The following LRRIQ1 variants were observed in gnomAD, a reference collection of about 807,000 sequenced individuals.
LRRIQ1 encodes the protein leucine-rich repeat- and IQ domain-containing protein 1.
In LRRIQ1, 210 loss-of-function variants were observed where a neutral mutation model predicts 211.9. That is an observed-to-expected ratio of 0.99 (90% CI 0.89 to 1.11). The LOEUF is 1.11. Among genes scored for constraint, LRRIQ1 ranks in the 50% most tolerant of loss-of-function variants. The pLI, the probability that LRRIQ1 is intolerant of heterozygous loss-of-function variation, is 0.00. For synonymous variants in LRRIQ1, 699 were observed against 650.1 expected (o/e 1.08, Z -1.14); for missense variants, 2,136 against 1,939.5 (o/e 1.10, Z -1.90).
At position 85,040,603 on chromosome 12, in the gene LRRIQ1, T is replaced by G; in HGVS notation, c.244+2T>G. On this transcript the variant is annotated splice_donor_variant, in intron 3 of 26. Coordinates refer to ENST00000393217, the MANE Select transcript of LRRIQ1 (RefSeq NM_001079910.2). LOFTEE classifies it high-confidence loss of function. Reference sequence around the variant, plus strand: ...ACCTGGAAGATACTGATATTTTAAGTAAGTACTATTTTCATCTGTCTGGCA... The same window carrying G: ...ACCTGGAAGATACTGATATTTTAAGGAAGTACTATTTTCATCTGTCTGGCA... 6.5e-7 allele frequency: 1 copy of G among 1,528,370 alleles called. No individual in the cohort carries two copies. Among genetic ancestry groups the G allele is most frequent in the Non-Finnish European group, 9.0e-7 (1 of 1,109,058 alleles). 94.7% of individuals were successfully genotyped at this position (1,528,370 alleles called of 1,614,324 possible).
At chr12:85,086,001 A>G (rs1423558081) in intron 11 of LRRIQ1, among the ~76,000 whole-genome samples, 9 of 152,124 alleles carry the variant, frequency 5.9e-5, no homozygotes, top group Admixed American at 5.9e-4. Flanking sequence ...TTCTTTGAGA[A>G]TTCTCTAAAC....
intron 24 of LRRIQ1, among the ~76,000 whole-genome samples, chr12:85,192,410 A>T (rs952247195): frequency 1.0e-4 from 14 of 135,828 alleles, no homozygotes; most frequent in Non-Finnish European, 2.2e-4. Flanking sequence ...ATATTTATAT[A>T]ATTATATACA....
At chr12:85,042,737 C>A (rs1344929566) in intron 3 of LRRIQ1, among the ~76,000 whole-genome samples, 2 of 151,530 alleles carry the variant, frequency 1.3e-5, no homozygotes, top group African/African-American at 4.8e-5. Flanking sequence ...AAAAACAAAT[C>A]AATAATATGG....
chr12:85,180,362 CTAAA>C (rs1891916322), intron 24 of LRRIQ1, among the ~76,000 whole-genome samples: 1 of 151,818 alleles, frequency 6.6e-6, no homozygotes, highest in Non-Finnish European at 1.5e-5. Context: ...TCTCAAAAAA[CTAAA>C]TAATATTTTC....
chr12:85,113,904 GTT>G (rs1491474023), intron 15 of LRRIQ1, among the ~76,000 whole-genome samples: 6 of 91,906 alleles, frequency 6.5e-5, no homozygotes, highest in East Asian at 5.1e-4. Flanking sequence ...ATTCAAATGA[GTT>G]TTGTGTGTGT....
At chr12:85,212,311 C>CAAGAA (rs916858426) in intron 24 of LRRIQ1, among the ~76,000 whole-genome samples, 5 of 151,076 alleles carry the variant, frequency 3.3e-5, no homozygotes, top group Admixed American at 1.3e-4. Flanking sequence ...AAAAACACCA[C>CAAGAA]AAGAAAAGAA....
At chr12:85,042,919 TA>T (rs1183030873) in intron 3 of LRRIQ1, among the ~76,000 whole-genome samples, 1 of 152,114 alleles carries the variant, frequency 6.6e-6, no homozygotes, top group Non-Finnish European at 1.5e-5. Flanking sequence ...TAGTTGCACT[TA>T]TGAATATAGA....
intron 24 of LRRIQ1, among the ~76,000 whole-genome samples, chr12:85,206,707 G>T (rs771043592): frequency 6.6e-6 from 1 of 151,962 alleles, no homozygotes; most frequent in South Asian, 2.1e-4. Context: ...CGACAATCAG[G>T]TGCACTCTGC....
chr12:85,073,073 C>T lies in LRRIQ1; in HGVS notation c.2862C>T (p.Phe954=). 1 of 1,605,738 alleles carries T rather than the reference C, an allele frequency of 6.2e-7. No individual in the cohort carries two copies. Among genetic ancestry groups the T allele is most frequent in the Non-Finnish European group, 8.5e-7 (1 of 1,174,714 alleles). ...TTACAAAAAATTCAGATTGTAATTT[C>T]CTTATCTCCCACTTATACTGGAATT... ...TSLTKNSDCN[F]LISHLYWNCG... Residue 954 remains phenylalanine (F), a synonymous_variant, in exon 11 of 27, where the codon TTC becomes TTT. Transcript: ENST00000393217.
intron 8 of LRRIQ1, among the ~76,000 whole-genome samples, chr12:85,059,083 C>T (rs913223420): frequency 2.0e-5 from 3 of 151,926 alleles, no homozygotes; most frequent in Non-Finnish European, 2.9e-5. Context: ...TGTCTTTATT[C>T]ACCACTGTTA....
chr12:85,081,989 C>A (rs1372946521), intron 11 of LRRIQ1, among the ~76,000 whole-genome samples: 2 of 152,036 alleles, frequency 1.3e-5, no homozygotes, highest in Non-Finnish European at 1.5e-5. Context: ...TCCCAAAGTG[C>A]TCAGATTACA....
At chr12:85,146,092 T>C (rs2136623273) in intron 19 of LRRIQ1, among the ~76,000 whole-genome samples, 1 of 151,808 alleles carries the variant, frequency 6.6e-6, no homozygotes, top group African/African-American at 2.4e-5. Flanking sequence ...TTTAAATTGA[T>C]CTTCCCAATA....
rs747614996 is a variant in LRRIQ1 at position 85,066,947 on chromosome 12, AT to A, written c.2695+51del. ...TTTAAAGATATATTTCTCATAATTT[AT>A]TGTGTTTTATTTATTCCTTTTTAGG... is the stretch of plus-strand genomic sequence containing the variant. On this transcript the variant is annotated intron_variant, in intron 10 of 26. Transcript: ENST00000393217. 361 of 1,072,170 alleles carry A rather than the reference AT, an allele frequency of 3.4e-4. 1 individual carries two copies. The highest frequency in any genetic ancestry group is 4.2e-4 in the Non-Finnish European group (329 of 787,172). The allele number at this position is 1,072,170 out of a possible 1,614,324, so 66.4% of individuals were successfully genotyped here.
intron 2 of LRRIQ1, 66 bp downstream of exon 2, chr12:85,038,374 AG>A: frequency 7.9e-7 from 1 of 1,270,454 alleles, no homozygotes. Context: ...TACTTTTCTC[AG>A]GATGTTTTTA....
intron 7 of LRRIQ1, among the ~76,000 whole-genome samples, chr12:85,053,578 A>C (rs1311178662): frequency 1.3e-5 from 2 of 152,222 alleles, no homozygotes; most frequent in African/African-American, 2.4e-5. Flanking sequence ...TGTTCTTTGA[A>C]TCCTGACTCT....
At chr12:85,116,321 T>G (rs1264938469) in intron 15 of LRRIQ1, among the ~76,000 whole-genome samples, 2 of 152,110 alleles carry the variant, frequency 1.3e-5, no homozygotes, top group Admixed American at 1.3e-4. Context: ...TGTACTTTTT[T>G]TTTTAGTAGA....
At chr12:85,156,306 C>A (rs1225240075) in intron 23 of LRRIQ1, among the ~76,000 whole-genome samples, 1 of 151,472 alleles carries the variant, frequency 6.6e-6, no homozygotes, top group Non-Finnish European at 1.5e-5. Flanking sequence ...TCACTTTTTT[C>A]ATTCTATTTT....
intron 19 of LRRIQ1, among the ~76,000 whole-genome samples, chr12:85,144,597 A>C (rs1889763872): frequency 6.6e-6 from 1 of 151,554 alleles, no homozygotes; most frequent in Admixed American, 6.6e-5. Context: ...ATAGGAAATC[A>C]GCGTAATAAA....
In LRRIQ1 at chr12:85,056,810, G is replaced by T; in HGVS notation, c.2017G>T (p.Asp673Tyr). 6.2e-7 allele frequency: 1 copy of T among 1,611,204 alleles called. No homozygotes were observed. The highest frequency in any genetic ancestry group is 1.7e-5 in the Admixed American group (1 of 59,504). The change falls in exon 8 of 27, where the codon GAC (aspartate) becomes TAC (tyrosine). Residue 673 changes from aspartate to tyrosine, a missense_variant. Transcript: ENST00000393217. ...TMINIEGKRN[D>Y]QDYVLGRHAP... ...GATAAATATAGAAGGCAAAAGAAATGACCAAGATTATGTGTTAGGTAGACA... is the reference window on the plus strand; with the variant it reads ...GATAAATATAGAAGGCAAAAGAAATTACCAAGATTATGTGTTAGGTAGACA...
Sources: gnomAD v4.1 joint callset for allele counts (sites outside exome capture counted in the v4.1 genomes callset) on GRCh38, gnomAD v4.1.1 for gene constraint, MANE v1.5 for transcripts, NCBI Gene and HGNC (gene_info 2026-07-23, HGNC 2026-07-21) for gene names.